Variants in CCDC66 observed in about 807,000 individuals in gnomAD.
The protein encoded by CCDC66 is coiled-coil domain containing 66, also known as coiled-coil domain-containing protein 66.
CCDC66 carries 133 observed loss-of-function variants against 128.3 expected under a neutral mutation model. The observed-to-expected ratio is 1.04, with a 90% confidence interval of 0.90 to 1.20. The LOEUF (loss-of-function observed/expected upper bound fraction) is 1.20. Among genes scored for constraint, CCDC66 ranks in the 50% most tolerant of loss-of-function variants. The pLI is 0.00. For synonymous variants in CCDC66, 387 were observed against 357.0 expected, an observed-to-expected ratio of 1.08 and a Z score of -0.95; for missense variants, 1,126 against 1,075.5, an observed-to-expected ratio of 1.05 and a Z score of -0.66.
chr3:56,557,357 C>T (rs757048490), intron 1 of CCDC66, 104 bp downstream of exon 1: 1 of 1,427,502 alleles, frequency 7.0e-7, no homozygotes, highest in Non-Finnish European at 9.4e-7. Flanking sequence ...TACTGGAGAA[C>T]GTTCCCAACC....
intron 6 of CCDC66, among the ~76,000 whole-genome samples, chr3:56,568,128 GA>G (rs2066136391): frequency 6.6e-6 from 1 of 152,196 alleles, no homozygotes; most frequent in Non-Finnish European, 1.5e-5. Flanking sequence ...AATCCTCAGA[GA>G]AAGCCTGGCT....
At chr3:56,563,494 T>C (rs1209026830) in intron 3 of CCDC66, 190 bp from the exon 4 acceptor site, 5 of 550,668 alleles carry the variant, frequency 9.1e-6, no homozygotes, top group African/African-American at 7.5e-5. Flanking sequence ...TAATAAAAGT[T>C]CCTGAAGTAA....
At position 56,616,878 on chromosome 3, in the gene CCDC66, T is replaced by A. The variant is rs1559774257; in HGVS notation, c.1844-234T>A. 1.0e-5 allele frequency: 4 copies of A among 395,630 alleles called. No individual in the cohort carries two copies. In the South Asian group the frequency reaches 2.5e-4, roughly 25 times the overall value. 24.5% of individuals were successfully genotyped at this position (395,630 alleles called of 1,614,324 possible). On this transcript the variant is annotated intron_variant, in intron 13 of 17. Coordinates refer to ENST00000394672, the MANE Select transcript of CCDC66 (RefSeq NM_001141947.3). ...GCATTTCCCCCCCAGTGACTGATGA[T>A]GTTGAGCATCTTTTCATGATTATCA... is the stretch of plus-strand genomic sequence containing the variant.
At chr3:56,603,725 A>G (rs2073627888) in intron 10 of CCDC66, among the ~76,000 whole-genome samples, 1 of 152,008 alleles carries the variant, frequency 6.6e-6, no homozygotes, top group South Asian at 2.1e-4. Context: ...TAATTTTAGA[A>G]TAAGTGTGAT....
rs1180911140 is a variant in CCDC66 at position 56,600,139 on chromosome 3, G to A, written c.1404+6111G>A. On this transcript the variant is annotated intron_variant, in intron 10 of 17. Coordinates refer to ENST00000394672, the MANE Select transcript of CCDC66 (RefSeq NM_001141947.3). ...CTGTAGTGCTGCAATAAACATACAT[G>A]TGCACTTATCTTTTTTTTTTTTTTT... 3.6e-5 allele frequency among the ~76,000 whole-genome samples: 5 copies of A among 138,198 alleles called. 1 individual carries two copies. The highest frequency in any genetic ancestry group is 1.3e-4 in the African/African-American group (5 of 37,178). The allele number at this position is 138,198 out of a possible 152,430, so 90.7% of individuals were successfully genotyped here. A position where few individuals can be genotyped will look rare whatever the true frequency, so the allele number is the denominator to read the frequency against.
intron 17 of CCDC66, 197 bp from the exon 18 acceptor site, chr3:56,621,335 A>AAAAC (rs1559800988): frequency 5.1e-6 from 2 of 392,254 alleles, no homozygotes; most frequent in African/African-American, 2.1e-5. Flanking sequence ...TTTTATGCTA[A>AAAAC]AAACAGAATC....
intron 10 of CCDC66, among the ~76,000 whole-genome samples, chr3:56,612,611 A>G (rs1245201045): frequency 6.6e-6 from 1 of 152,178 alleles, no homozygotes; most frequent in Non-Finnish European, 1.5e-5. Context: ...GTAGTGGGAC[A>G]ACCCTCTGGG....
rs1346334714 is a variant in CCDC66, at chr3:56,615,121, T to C, written c.1567-7T>C. 1 of 1,612,820 alleles carries C rather than the reference T, an allele frequency of 6.2e-7. No homozygotes were observed. Among genetic ancestry groups the C allele is most frequent in the East Asian group, 2.2e-5 (1 of 44,832 alleles). ...AGATGAATTTAGTAACACATCAATA[T>C]TGACAGGAAATCATGACTCTCAAGA... On this transcript the variant is annotated splice_polypyrimidine_tract_variant and splice_region_variant and intron_variant, in intron 11 of 17. Coordinates refer to ENST00000394672, the MANE Select transcript of CCDC66 (RefSeq NM_001141947.3).
At chr3:56,561,075 A>T (rs1201484868) in intron 3 of CCDC66, 5 of 422,946 alleles carry the variant, frequency 1.2e-5, no homozygotes, top group Non-Finnish European at 2.3e-5. Flanking sequence ...TCTCTATCAT[A>T]TAGTTATATA....
rs1283068101 is a variant in CCDC66, at chr3:56,564,116, G to A, written c.535G>A (p.Glu179Lys). 2 of 1,583,374 alleles carry A rather than the reference G, an allele frequency of 1.3e-6. No individual in the cohort carries two copies. The highest frequency in any genetic ancestry group is 1.7e-6 in the Non-Finnish European group (2 of 1,167,270). The change falls in exon 4 of 18, where the codon GAG (glutamate) becomes AAG (lysine). Residue 179 changes from glutamate (E) to lysine (K), a missense_variant. By Grantham distance (56) the Glu-to-Lys change is moderately conservative. Coordinates refer to ENST00000394672, the MANE Select transcript of CCDC66 (RefSeq NM_001141947.3). ...RSLSLTENGK[E>K]AKSQYSLYLN... ...TCTTTCCCTGACTGAGAATGGAAAGGAGGCAAAAAGTAAGATTTTTCTAAA... is the reference window on the plus strand; with the variant it reads ...TCTTTCCCTGACTGAGAATGGAAAGAAGGCAAAAAGTAAGATTTTTCTAAA...
rs572085802 is a variant in CCDC66 at position 56,561,031 on chromosome 3, A to G, written c.102+1437A>G. On this transcript the variant is annotated intron_variant, in intron 3 of 17. Coordinates refer to ENST00000394672, the MANE Select transcript of CCDC66 (RefSeq NM_001141947.3). ...TAAATAGGTGAAGATGATCAGAACA[A>G]TTCCACAAACTACATATAAAAATTG... 9.9e-4 allele frequency: 434 copies of G among 439,198 alleles called. 2 individuals carry two copies. Among genetic ancestry groups the G allele is most frequent in the Middle Eastern group, 4.4e-3 (13 of 2,962 alleles). The allele number at this position is 439,198 out of a possible 1,614,324, so 27.2% of individuals were successfully genotyped here. A position where few individuals can be genotyped will look rare whatever the true frequency, so the allele number is the denominator to read the frequency against.
chr3:56,607,636 C>T (rs964490441), intron 10 of CCDC66, among the ~76,000 whole-genome samples: 1 of 152,136 alleles, frequency 6.6e-6, no homozygotes, highest in Non-Finnish European at 1.5e-5. Flanking sequence ...TTATTTATTT[C>T]TGTTGTCTGA....
Position 56,619,536 on chromosome 3 carries a change from A to ATATT in CCDC66, c.2635+10_2635+13dup. ...GTACCAAAATTCACAAGGTAAGTAA[A>ATATT]TATTAAGCATTCTAACTGTAAAAAT... On this transcript the variant is annotated intron_variant, in intron 16 of 17. Transcript: ENST00000394672. The ATATT allele has an allele frequency of 6.3e-7, 1 of 1,592,850 alleles. No homozygotes were observed. Among genetic ancestry groups the ATATT allele is most frequent in the South Asian group, 1.1e-5 (1 of 87,208 alleles).
At chr3:56,617,955 C>A (rs897405805) in intron 14 of CCDC66, 1 of 590,450 alleles carries the variant, frequency 1.7e-6, no homozygotes, top group African/African-American at 1.9e-5. Context: ...CTTTAAAACC[C>A]TTGTTTATAG....
chr3:56,593,834 T>G, intron 9 of CCDC66, 93 bp downstream of exon 9: 1 of 1,582,980 alleles, frequency 6.3e-7, no homozygotes, highest in South Asian at 1.1e-5. Context: ...AGGTTTGGTA[T>G]TTGTCTTTGA....
intron 3 of CCDC66, chr3:56,561,451 A>G: frequency 3.0e-6 from 1 of 334,046 alleles, no homozygotes; most frequent in South Asian, 2.6e-5. Context: ...TCTATCAGCT[A>G]TCTAAAGGTG....
At chr3:56,559,875 A>G (rs995337169) in intron 3 of CCDC66, among the ~76,000 whole-genome samples, 1 of 152,212 alleles carries the variant, frequency 6.6e-6, no homozygotes, top group Non-Finnish European at 1.5e-5. Flanking sequence ...TGAATATGGA[A>G]GCCACTAGTC....
chr3:56,604,039 A>G lies in CCDC66; in HGVS notation c.1405-9550A>G, dbSNP rs1004309890. 2.0e-5 allele frequency among the ~76,000 whole-genome samples: 3 copies of G among 152,072 alleles called. 1 individual carries two copies. The highest frequency in any genetic ancestry group is 7.3e-5 in the African/African-American group (3 of 41,320). ...TGCATTGATCCCTTTACCATTATGTAATGGCCTTCTTTGTCTCTTTTGATC... is the reference window on the plus strand; with the variant it reads ...TGCATTGATCCCTTTACCATTATGTGATGGCCTTCTTTGTCTCTTTTGATC... On this transcript the variant is annotated intron_variant, in intron 10 of 17. Coordinates refer to ENST00000394672, the MANE Select transcript of CCDC66 (RefSeq NM_001141947.3).
chr3:56,578,406 C>G (rs139749321), intron 7 of CCDC66, among the ~76,000 whole-genome samples: 4 of 151,866 alleles, frequency 2.6e-5, no homozygotes, highest in Admixed American at 1.3e-4. Context: ...TTATTTCTTC[C>G]TCATACCTGA....
Sources: allele counts gnomAD v4.1 joint callset (sites outside exome capture counted in the v4.1 genomes callset), GRCh38; gene constraint gnomAD v4.1.1; transcripts MANE v1.5; gene names NCBI Gene and HGNC (gene_info 2026-07-23, HGNC 2026-07-21).